SLMAP: variants seen among roughly 807,000 people sequenced by gnomAD.
SLMAP encodes sarcolemmal membrane-associated protein.
In SLMAP, 44 loss-of-function variants were observed where a neutral mutation model predicts 128.8. The ratio of observed to expected loss-of-function variants is 0.34; its 90% CI spans 0.27 to 0.44. The LOEUF is 0.44. SLMAP is among the 20% of genes least tolerant of loss of function. The pLI is 1.00. For synonymous variants in SLMAP, 327 were observed against 348.8 expected (o/e 0.94, Z 0.70); for missense variants, 787 against 985.3 (o/e 0.80, Z 2.69).
rs576925382 is a variant in SLMAP, at chr3:57,887,213, A to G, written c.1301-2828A>G. On this transcript the variant is annotated intron_variant, in intron 14 of 24. Coordinates refer to ENST00000671191, the MANE Select transcript of SLMAP (RefSeq NM_001377540.1). ...AGTCATAATAAGCTAAATTTATAAT[A>G]TAGTAATAAATAAGCCATGAGATTT... Among the ~76,000 whole-genome samples, 5 of 152,054 alleles carry G rather than the reference A, an allele frequency of 3.3e-5. No homozygotes were observed. In the South Asian group the frequency reaches 1.0e-3, roughly 32 times the overall value.
chr3:57,827,163 A>G (rs944460998), intron 2 of SLMAP, among the ~76,000 whole-genome samples: 28 of 152,202 alleles, frequency 1.8e-4, no homozygotes, highest in African/African-American at 5.8e-4. Context: ...TGTGTCTACT[A>G]TATTTGTGCT....
At chr3:57,876,275 A>G (rs775787898) in intron 14 of SLMAP, among the ~76,000 whole-genome samples, 2 of 152,204 alleles carry the variant, frequency 1.3e-5, no homozygotes, top group African/African-American at 2.4e-5. Flanking sequence ...GGCTCTTTCC[A>G]TTTAAAAGTT....
chr3:57,777,134 T>G (rs978885470), intron 2 of SLMAP, among the ~76,000 whole-genome samples: 4 of 150,686 alleles, frequency 2.7e-5, no homozygotes, highest in African/African-American at 4.9e-5. Flanking sequence ...AGCATTAGGA[T>G]ATATACCTAA....
chr3:57,872,503 C>T (rs2095506046), intron 14 of SLMAP, among the ~76,000 whole-genome samples: 1 of 152,040 alleles, frequency 6.6e-6, no homozygotes, highest in African/African-American at 2.4e-5. Flanking sequence ...CCTATAATCC[C>T]AGCTTCTTGG....
intron 23 of SLMAP, among the ~76,000 whole-genome samples, chr3:57,924,246 A>G (rs2096963339): frequency 1.3e-5 from 2 of 152,132 alleles, no homozygotes; most frequent in African/African-American, 4.8e-5. Flanking sequence ...TATTGCACCT[A>G]TGGTATTAAA....
At chr3:57,881,036 A>T (rs2095726393) in intron 14 of SLMAP, among the ~76,000 whole-genome samples, 1 of 152,070 alleles carries the variant, frequency 6.6e-6, no homozygotes, top group Non-Finnish European at 1.5e-5. Context: ...TCTACTAAAA[A>T]TACAAAAATT....
chr3:57,765,907 C>T (rs1335257086), intron 2 of SLMAP, among the ~76,000 whole-genome samples: 1 of 151,866 alleles, frequency 6.6e-6, no homozygotes, highest in African/African-American at 2.4e-5. Flanking sequence ...AGTGTATATA[C>T]TTAAAGCATT....
chr3:57,922,972 G>A lies in SLMAP; in HGVS notation c.2394G>A (p.Glu798=). 6.2e-7 allele frequency: 1 copy of A among 1,613,880 alleles called. No homozygotes were observed. The highest frequency in any genetic ancestry group is 8.5e-7 in the Non-Finnish European group (1 of 1,179,868). Residue 798 remains glutamate, a synonymous_variant, in exon 23 of 25, where the codon GAG becomes GAA. Coordinates refer to ENST00000671191, the MANE Select transcript of SLMAP (RefSeq NM_001377540.1). ...TEQEKQSITD[E]LKQCKNNLKL... is the part of the protein sequence containing the mutation. ...AGGAAAAGCAGTCAATCACAGATGA[G>A]CTCAAACAGTGTAAAAACAACCTGA...
At chr3:57,799,530 G>A (rs1372955623) in intron 2 of SLMAP, among the ~76,000 whole-genome samples, 5 of 152,084 alleles carry the variant, frequency 3.3e-5, no homozygotes, top group Non-Finnish European at 7.4e-5. Flanking sequence ...CTCTCCACAT[G>A]TTTTTCTTTC....
At chr3:57,845,542 C>T (rs1484256053) in intron 4 of SLMAP, among the ~76,000 whole-genome samples, 1 of 152,202 alleles carries the variant, frequency 6.6e-6, no homozygotes, top group African/African-American at 2.4e-5. Context: ...AAGAACTTTA[C>T]TCAGTCAACC....
intron 2 of SLMAP, among the ~76,000 whole-genome samples, chr3:57,806,049 T>G (rs1015976611): frequency 8.5e-5 from 13 of 152,070 alleles, no homozygotes; most frequent in African/African-American, 3.1e-4. Flanking sequence ...GTTTTTTTTT[T>G]GTAAATTTTA....
intron 15 of SLMAP, among the ~76,000 whole-genome samples, chr3:57,892,605 T>C (rs2096110292): frequency 1.3e-5 from 2 of 152,134 alleles, no homozygotes; most frequent in Admixed American, 1.3e-4. Flanking sequence ...TATGTAACTA[T>C]AGTATCAGGA....
At chr3:57,767,566 A>G (rs1161256463) in intron 2 of SLMAP, among the ~76,000 whole-genome samples, 1 of 152,258 alleles carries the variant, frequency 6.6e-6, no homozygotes, top group African/African-American at 2.4e-5. Flanking sequence ...GAAATTATAT[A>G]TATGAACTAT....
chr3:57,775,795 G>T (rs2081808611), intron 2 of SLMAP, among the ~76,000 whole-genome samples: 1 of 152,082 alleles, frequency 6.6e-6, no homozygotes, highest in African/African-American at 2.4e-5. Flanking sequence ...TGCCTCCCGG[G>T]TTCAAGTGAT....
At chr3:57,773,671 A>G (rs2081302349) in intron 2 of SLMAP, among the ~76,000 whole-genome samples, 1 of 152,192 alleles carries the variant, frequency 6.6e-6, no homozygotes, top group Admixed American at 6.5e-5. Context: ...GTTATGAAAC[A>G]CCTGTCTGCT....
chr3:57,778,578 T>C (rs1175118085), intron 2 of SLMAP, among the ~76,000 whole-genome samples: 2 of 147,320 alleles, frequency 1.4e-5, no homozygotes, highest in African/African-American at 4.9e-5. Flanking sequence ...TTCTTTTTTT[T>C]TTTTTTTTTT....
rs1329809858 is a variant in SLMAP at position 57,927,462 on chromosome 3, C to T, written c.*173C>T. On this transcript the variant is annotated 3_prime_UTR_variant, in exon 25 of 25. Transcript: ENST00000671191. The stretch of plus-strand genomic sequence containing the variant: ...ACACTCATGCTGGGGACAAACAGAA[C>T]CATTTTCTTCCTCTTTACCTCTTAA... 3 of 798,942 alleles carry T rather than the reference C, an allele frequency of 3.8e-6. No individual in the cohort carries two copies. The highest frequency in any genetic ancestry group is 3.1e-4 in the Middle Eastern group (1 of 3,194). 49.5% of individuals were successfully genotyped at this position (798,942 alleles called of 1,614,324 possible).
Position 57,831,482 on chromosome 3 carries a change from G to T in SLMAP, c.298G>T (p.Gly100Cys). 6.3e-7 allele frequency: 1 copy of T among 1,594,706 alleles called. No individual in the cohort carries two copies. The highest frequency in any genetic ancestry group is 8.5e-7 in the Non-Finnish European group (1 of 1,169,748). ...AAGTCCACCATGTGAAATTCTTTCC[G>T]GTGACATTATCCAGTTTGGAGTAGA... ...EESPPCEILS[G>C]DIIQFGVDVT... The change falls in exon 3 of 25, where the codon GGT becomes TGT. Residue 100 changes from glycine (G) to cysteine (C), a missense_variant. By Grantham distance (159) the Gly-to-Cys change is radical. Coordinates refer to ENST00000671191, the MANE Select transcript of SLMAP (RefSeq NM_001377540.1).
chr3:57,805,311 T>C (rs2089586819), intron 2 of SLMAP, among the ~76,000 whole-genome samples: 1 of 152,218 alleles, frequency 6.6e-6, no homozygotes, highest in Non-Finnish European at 1.5e-5. Context: ...TTTTTAGATA[T>C]ATTGAACCCT....
Sources: allele counts gnomAD v4.1 joint callset (sites outside exome capture counted in the v4.1 genomes callset), GRCh38; gene constraint gnomAD v4.1.1; transcripts MANE v1.5; gene names NCBI Gene and HGNC (gene_info 2026-07-23, HGNC 2026-07-21).